COL24A1: variants seen among roughly 807,000 people sequenced by gnomAD.
COL24A1 encodes the protein collagen alpha-1(XXIV) chain.
Under a neutral mutation model 253.9 loss-of-function variants are expected in COL24A1, and 224 were observed. The observed-to-expected ratio is 0.88, with a 90% CI of 0.79 to 0.99. COL24A1 has a LOEUF of 0.99. Ranked by LOEUF, COL24A1 falls within the 50% of genes least tolerant of loss-of-function variation. The probability of loss-of-function intolerance (pLI) is 0.00; values close to 1 mark genes in which losing one functional copy is unlikely to be tolerated. For synonymous variants in COL24A1, 685 were observed against 673.7 expected (o/e 1.02, Z -0.26); for missense variants, 2,131 against 2,068.5 (o/e 1.03, Z -0.59).
At position 85,805,396 on chromosome 1, in the gene COL24A1, G is replaced by A. The variant is rs554308896; in HGVS notation, c.3951+11392C>T. Reference sequence around the variant, plus strand: ...CTAAAAGCCCAATAGAATCACAACAGCAAATTATTTGAAATAAAAAATTCA... The same window carrying A: ...CTAAAAGCCCAATAGAATCACAACAACAAATTATTTGAAATAAAAAATTCA... On this transcript the variant is annotated intron_variant, in intron 47 of 59. Coordinates refer to ENST00000370571, the MANE Select transcript of COL24A1 (RefSeq NM_152890.7). Among the ~76,000 whole-genome samples the A allele has an allele frequency of 3.4e-4, 51 of 152,138 alleles. 1 individual carries two copies. The South Asian group carries it at 0.01, about 31-fold the overall frequency.
chr1:86,128,619 T>C (rs1027464489), intron 2 of COL24A1, among the ~76,000 whole-genome samples: 2 of 151,960 alleles, frequency 1.3e-5, no homozygotes, highest in African/African-American at 2.4e-5. Flanking sequence ...GAAATATCAT[T>C]GGGAGGAGTA....
At chr1:85,997,749 C>G (rs1167435181) in intron 19 of COL24A1, among the ~76,000 whole-genome samples, 1 of 143,802 alleles carries the variant, frequency 7.0e-6, no homozygotes, top group Non-Finnish European at 1.5e-5. Context: ...CCACTGCACT[C>G]CAGCCTGGCT....
intron 24 of COL24A1, among the ~76,000 whole-genome samples, chr1:85,914,342 G>A (rs1685659568): frequency 6.8e-6 from 1 of 147,002 alleles, no homozygotes; most frequent in Admixed American, 6.8e-5. Context: ...GTGTGTGTGT[G>A]TGCAGCAAAT....
chr1:86,034,505 T>A (rs1698848459), intron 12 of COL24A1, among the ~76,000 whole-genome samples: 1 of 152,158 alleles, frequency 6.6e-6, no homozygotes, highest in African/African-American at 2.4e-5. Flanking sequence ...GGGACTGAGA[T>A]GTGAATGGAG....
rs1023487015 is a variant in COL24A1, at chr1:86,127,341, A to C, written c.122-1127T>G. Among the ~76,000 whole-genome samples the C allele has an allele frequency of 2.6e-5, 4 of 152,066 alleles. 1 individual carries two copies. Among genetic ancestry groups the C allele is most frequent in the African/African-American group, 9.7e-5 (4 of 41,420 alleles). On this transcript the variant is annotated intron_variant, in intron 2 of 59. Transcript: ENST00000370571. ...TTCATCGTAATATTACCAATAGTAT[A>C]TTGTTTGTCTCCTTTACCCAATTAA...
At chr1:85,810,691 C>A (rs1558212226) in intron 47 of COL24A1, among the ~76,000 whole-genome samples, 1 of 151,986 alleles carries the variant, frequency 6.6e-6, no homozygotes, top group Non-Finnish European at 1.5e-5. Context: ...CATGGCAACA[C>A]CCCCTCTACT....
chr1:86,115,444 A>G, intron 3 of COL24A1, 66 bp from the exon 4 acceptor site: 4 of 1,475,980 alleles, frequency 2.7e-6, no homozygotes, highest in Non-Finnish European at 3.8e-6. Context: ...ACGAGTCTGA[A>G]TAAGATTTCC....
chr1:86,108,352 A>C (rs1029520534), intron 5 of COL24A1, among the ~76,000 whole-genome samples: 7 of 152,122 alleles, frequency 4.6e-5, no homozygotes, highest in Non-Finnish European at 1.0e-4. Flanking sequence ...TTGGCTTCTC[A>C]ATATTTATAC....
chr1:86,009,878 G>T (rs1342423385), intron 19 of COL24A1, among the ~76,000 whole-genome samples: 2 of 152,030 alleles, frequency 1.3e-5, no homozygotes, highest in Non-Finnish European at 2.9e-5. Flanking sequence ...TTTATATGAG[G>T]CCCATCGTTG....
At chr1:86,061,709 T>G (rs2101767173) in intron 8 of COL24A1, among the ~76,000 whole-genome samples, 1 of 152,188 alleles carries the variant, frequency 6.6e-6, no homozygotes, top group East Asian at 1.9e-4. Context: ...CTAGAATCAC[T>G]GAGACAACCA....
chr1:85,841,330 C>G, intron 41 of COL24A1, 52 bp from the exon 42 acceptor site: 1 of 1,203,856 alleles, frequency 8.3e-7, no homozygotes. Context: ...AAATAAACAT[C>G]AAAAACACAC....
At chr1:86,102,799 T>C (rs1399592862) in intron 5 of COL24A1, among the ~76,000 whole-genome samples, 1 of 152,188 alleles carries the variant, frequency 6.6e-6, no homozygotes, top group Non-Finnish European at 1.5e-5. Flanking sequence ...TTACATCCGA[T>C]TGTGTGGTCA....
intron 22 of COL24A1, among the ~76,000 whole-genome samples, chr1:85,966,838 G>C (rs113681516): frequency 0.013 from 1,967 of 152,176 alleles, 21 homozygotes; most frequent in Non-Finnish European, 0.019. Context: ...AACTGAAAGA[G>C]CATGTATAGA....
At chr1:86,038,940 C>T (rs1446082463) in intron 12 of COL24A1, among the ~76,000 whole-genome samples, 2 of 152,176 alleles carry the variant, frequency 1.3e-5, no homozygotes, top group East Asian at 3.8e-4. Context: ...AACTATGCCA[C>T]TACCAAATTC....
At chr1:86,134,071 G>T (rs548075918) in intron 2 of COL24A1, among the ~76,000 whole-genome samples, 3 of 152,056 alleles carry the variant, frequency 2.0e-5, no homozygotes, top group East Asian at 3.9e-4. Context: ...TCCTGCTTTC[G>T]TCTTGGGAGG....
At chr1:85,992,147 C>T (rs1694343313) in intron 19 of COL24A1, among the ~76,000 whole-genome samples, 1 of 151,872 alleles carries the variant, frequency 6.6e-6, no homozygotes, top group African/African-American at 2.4e-5. Context: ...TGTTCAATTC[C>T]CACCTATGAG....
At chr1:86,147,505 C>G (rs964972133) in intron 1 of COL24A1, among the ~76,000 whole-genome samples, 1 of 152,150 alleles carries the variant, frequency 6.6e-6, no homozygotes, top group African/African-American at 2.4e-5. Flanking sequence ...GGATAAATAA[C>G]TAAACCATAT....
intron 1 of COL24A1, among the ~76,000 whole-genome samples, chr1:86,150,463 G>GA (rs1652598418): frequency 6.6e-6 from 1 of 151,930 alleles, no homozygotes; most frequent in African/African-American, 2.4e-5. Flanking sequence ...TTAACACTTG[G>GA]AAAAAATAAA....
At chr1:86,022,797 TAAA>T (rs751725869) in intron 16 of COL24A1, 33 bp downstream of exon 16, 99 of 1,365,534 alleles carry the variant, frequency 7.2e-5, no homozygotes, top group Non-Finnish European at 9.1e-5. Context: ...ACAAATGTGA[TAAA>T]AATTATTTTT....
Sources: gnomAD v4.1 joint callset for allele counts (sites outside exome capture counted in the v4.1 genomes callset) on GRCh38, gnomAD v4.1.1 for gene constraint, MANE v1.5 for transcripts, NCBI Gene and HGNC (gene_info 2026-07-23, HGNC 2026-07-21) for gene names.